The following CD82 variants were observed in gnomAD, a reference collection of about 807,000 sequenced individuals.
CD82 encodes the protein CD82 antigen.
Under a neutral mutation model 37.4 loss-of-function variants are expected in CD82, and 36 were observed. The ratio of observed to expected loss-of-function variants is 0.96; its 90% CI spans 0.74 to 1.27. The LOEUF (loss-of-function observed/expected upper bound fraction) is 1.27, where lower values mean the gene tolerates loss of function less well. CD82 is among the 50% of genes most tolerant of loss of function. The pLI, the probability that CD82 is intolerant of heterozygous loss-of-function variation, is 0.00. For synonymous variants in CD82, 158 were observed against 137.4 expected (o/e 1.15, Z -1.05); for missense variants, 340 against 347.0 (o/e 0.98, Z 0.16).
intron 2 of CD82, among the ~76,000 whole-genome samples, chr11:44,591,605 A>G (rs1853146232): frequency 6.6e-6 from 1 of 152,172 alleles, no homozygotes; most frequent in South Asian, 2.1e-4. Flanking sequence ...CACAGAAGAA[A>G]GATCTTGGGG....
chr11:44,579,868 C>T (rs939020520), intron 1 of CD82, among the ~76,000 whole-genome samples: 104 of 152,154 alleles, frequency 6.8e-4, no homozygotes, highest in African/African-American at 1.7e-3. Context: ...GGGCTCAGTA[C>T]GCTGGAGACT....
chr11:44,596,990 G>T (rs924356235), intron 3 of CD82: 13 of 456,120 alleles, frequency 2.9e-5, no homozygotes, highest in Non-Finnish European at 4.8e-5. Flanking sequence ...GCTTCCTGGG[G>T]TTCTGGGTGT....
chr11:44,588,969 G>A (rs1452405128), intron 2 of CD82, among the ~76,000 whole-genome samples: 1 of 152,150 alleles, frequency 6.6e-6, no homozygotes, highest in Non-Finnish European at 1.5e-5. Context: ...CATAAGATCA[G>A]CACCTCACCA....
In CD82 at chr11:44,618,203, C is replaced by T. The variant is rs1275071733; in HGVS notation, c.480C>T (p.Asp160=). The change falls in exon 8 of 10, where the codon GAC becomes GAT. Residue 160 remains aspartate (D), a synonymous_variant. Coordinates refer to ENST00000227155, the MANE Select transcript of CD82 (RefSeq NM_002231.4). ...GGGTCAGCTTCTACAACTGGACAGA[C>T]AACGCTGAGCTCATGAATCGCCCTG... The part of the protein sequence containing the change: ...CGWVSFYNWT[D]NAELMNRPEV... 1 of 1,614,110 alleles carries T rather than the reference C, an allele frequency of 6.2e-7. No homozygotes were observed. Among genetic ancestry groups the T allele is most frequent in the Admixed American group, 1.7e-5 (1 of 60,030 alleles).
intron 6 of CD82, chr11:44,606,366 G>A (rs1167354219): frequency 2.6e-5 from 4 of 151,578 alleles, no homozygotes; most frequent in African/African-American, 9.7e-5. Context: ...TGTGGTCCCA[G>A]CTACTCAGGA....
At chr11:44,598,559 C>T (rs1227540248) in intron 3 of CD82, among the ~76,000 whole-genome samples, 5 of 151,544 alleles carry the variant, frequency 3.3e-5, no homozygotes, top group African/African-American at 1.2e-4. Context: ...ATTACAGGAC[C>T]CCATCAACAC....
At chr11:44,589,260 A>C (rs949658224) in intron 2 of CD82, among the ~76,000 whole-genome samples, 3 of 152,124 alleles carry the variant, frequency 2.0e-5, no homozygotes, top group Non-Finnish European at 1.5e-5. Context: ...AGAGTGCCTC[A>C]AAACAACCAC....
intron 4 of CD82, among the ~76,000 whole-genome samples, chr11:44,601,444 T>A (rs1853308201): frequency 6.6e-6 from 1 of 152,164 alleles, no homozygotes; most frequent in Non-Finnish European, 1.5e-5. Flanking sequence ...GCCCCCCACA[T>A]TCTCCTGGCC....
chr11:44,603,032 C>T (rs1369791184), intron 4 of CD82, among the ~76,000 whole-genome samples: 2 of 152,218 alleles, frequency 1.3e-5, no homozygotes, highest in African/African-American at 4.8e-5. Flanking sequence ...AGGGCTGGCA[C>T]ACGGCGGCTG....
intron 1 of CD82, among the ~76,000 whole-genome samples, chr11:44,576,000 A>C (rs1208092419): frequency 6.6e-6 from 1 of 152,136 alleles, no homozygotes; most frequent in Non-Finnish European, 1.5e-5. Context: ...TTCCCTGAAC[A>C]CTGCACCGGC....
chr11:44,600,249 C>T lies in CD82; in HGVS notation c.136+19C>T, dbSNP rs1853288686. ...GTCCTGCGTAAGGACCCCTCAGCTTCCCCAGACCCAGGCCCACTGAAGAGG... is the reference window on the plus strand; with the variant it reads ...GTCCTGCGTAAGGACCCCTCAGCTTTCCCAGACCCAGGCCCACTGAAGAGG... On this transcript the variant is annotated intron_variant, in intron 4 of 9. Transcript: ENST00000227155. 1.9e-6 allele frequency: 3 copies of T among 1,612,442 alleles called. No individual in the cohort carries two copies. The highest frequency in any genetic ancestry group is 2.2e-5 in the South Asian group (2 of 91,054).
In CD82 at chr11:44,618,630, G is replaced by A. The variant is rs780491115; in HGVS notation, c.643-10G>A. The A allele has an allele frequency of 6.2e-7, 1 of 1,604,972 alleles. No homozygotes were observed. Among genetic ancestry groups the A allele is most frequent in the Non-Finnish European group, 8.5e-7 (1 of 1,175,642 alleles). The stretch of plus-strand genomic sequence containing the variant: ...GAGCGGGGTGATGTGACCGCATTCT[G>A]CCCTTGCAGGGCTGCATGGAGAAGG... On this transcript the variant is annotated splice_polypyrimidine_tract_variant and intron_variant, in intron 8 of 9. Transcript: ENST00000227155.
intron 1 of CD82, among the ~76,000 whole-genome samples, chr11:44,580,620 G>A (rs1426952668): frequency 6.6e-6 from 1 of 152,168 alleles, no homozygotes; most frequent in East Asian, 1.9e-4. Context: ...GGCTGAGGCA[G>A]GAGAGTCTCT....
intron 3 of CD82, among the ~76,000 whole-genome samples, chr11:44,598,053 A>G (rs1198486465): frequency 6.6e-6 from 1 of 152,216 alleles, no homozygotes; most frequent in Non-Finnish European, 1.5e-5. Context: ...TCTGGCTTCC[A>G]GTCCCTGATG....
intron 6 of CD82, among the ~76,000 whole-genome samples, chr11:44,608,818 G>C (rs1853437697): frequency 6.6e-6 from 1 of 152,226 alleles, no homozygotes; most frequent in Non-Finnish European, 1.5e-5. Context: ...GGTGTGATCT[G>C]TCCCTCCAGG....
At chr11:44,590,390 C>G (rs756475513) in intron 2 of CD82, among the ~76,000 whole-genome samples, 1 of 151,276 alleles carries the variant, frequency 6.6e-6, no homozygotes, top group Admixed American at 6.6e-5. Flanking sequence ...AGGTGGATCA[C>G]GAGGTCAGGA....
rs141281034 is a variant in CD82 at position 44,612,485 on chromosome 11, A to G, written c.337-2787A>G. Among the ~76,000 whole-genome samples, 12 of 150,862 alleles carry G rather than the reference A, an allele frequency of 8.0e-5. 1 individual carries two copies. In the East Asian group the frequency reaches 2.4e-3, roughly 30 times the overall value. On this transcript the variant is annotated intron_variant, in intron 6 of 9. Transcript: ENST00000227155. ...AAAGTTAGCCACTATTAGTGTTGGG[A>G]TTAATTACTGACAGGAAAGCTTTGT...
intron 4 of CD82, among the ~76,000 whole-genome samples, chr11:44,603,164 G>A (rs1590343617): frequency 1.3e-5 from 2 of 152,298 alleles, no homozygotes; most frequent in East Asian, 3.9e-4. Flanking sequence ...GCTGATGGCT[G>A]GGGCTCAGTG....
At chr11:44,593,754 G>C (rs1853178704) in intron 2 of CD82, among the ~76,000 whole-genome samples, 1 of 152,146 alleles carries the variant, frequency 6.6e-6, no homozygotes, top group Non-Finnish European at 1.5e-5. Context: ...ATGGGTTTCA[G>C]AGGTCCATGA....
Sources: allele counts gnomAD v4.1 joint callset (sites outside exome capture counted in the v4.1 genomes callset), GRCh38; gene constraint gnomAD v4.1.1; transcripts MANE v1.5; gene names NCBI Gene and HGNC (gene_info 2026-07-23, HGNC 2026-07-21).